CCDC148: variants seen among roughly 807,000 people sequenced by gnomAD.
CCDC148 encodes the protein coiled-coil domain containing 148.
Under a neutral mutation model 85.7 loss-of-function variants are expected in CCDC148, and 89 were observed. The observed-to-expected ratio is 1.04, with a 90% CI of 0.87 to 1.24. The LOEUF (loss-of-function observed/expected upper bound fraction) is 1.24. Among genes scored for constraint, CCDC148 ranks in the 50% most tolerant of loss-of-function variants. CCDC148 has a pLI of 0.00. For missense variants in CCDC148, 692 were observed against 671.7 expected, an observed-to-expected ratio of 1.03 and a Z score of -0.33; for synonymous variants, 230 against 213.9, an observed-to-expected ratio of 1.08 and a Z score of -0.66.
intron 9 of CCDC148, among the ~76,000 whole-genome samples, chr2:158,253,907 C>T (rs1181770073): frequency 2.0e-5 from 3 of 151,482 alleles, no homozygotes; most frequent in Non-Finnish European, 3.0e-5. Context: ...TACAGCATTC[C>T]CATGAATTAT....
At chr2:158,195,260 C>T (rs527269898) in intron 11 of CCDC148, among the ~76,000 whole-genome samples, 31 of 152,060 alleles carry the variant, frequency 2.0e-4, no homozygotes, top group African/African-American at 6.5e-4. Flanking sequence ...TTTTCCATTT[C>T]CCCCCATATA....
At chr2:158,174,615 C>T (rs1287382421) in intron 13 of CCDC148, among the ~76,000 whole-genome samples, 1 of 152,018 alleles carries the variant, frequency 6.6e-6, no homozygotes, top group Non-Finnish European at 1.5e-5. Context: ...TGAGATGGTA[C>T]AGCCTTCTAC....
At chr2:158,197,051 A>G (rs988670037) in intron 11 of CCDC148, among the ~76,000 whole-genome samples, 2 of 152,198 alleles carry the variant, frequency 1.3e-5, no homozygotes, top group Admixed American at 1.3e-4. Context: ...AGGAAAATCT[A>G]AAGAAAGTAA....
At chr2:158,229,527 C>A (rs1170507282) in intron 10 of CCDC148, among the ~76,000 whole-genome samples, 1 of 152,210 alleles carries the variant, frequency 6.6e-6, no homozygotes. Context: ...CTCTCAGTTT[C>A]TCATAGTGAT....
At chr2:158,406,159 T>G (rs556807591) in intron 1 of CCDC148, among the ~76,000 whole-genome samples, 1 of 152,250 alleles carries the variant, frequency 6.6e-6, no homozygotes, top group East Asian at 1.9e-4. Context: ...TTGACATGGA[T>G]AGCTGGAATG....
intron 7 of CCDC148, among the ~76,000 whole-genome samples, chr2:158,318,401 A>G (rs1692374851): frequency 6.6e-6 from 1 of 152,216 alleles, no homozygotes; most frequent in African/African-American, 2.4e-5. Flanking sequence ...TTAAAAAAAA[A>G]GTGACCTATA....
At chr2:158,451,947 G>T (rs989061310) in intron 1 of CCDC148, among the ~76,000 whole-genome samples, 3 of 152,148 alleles carry the variant, frequency 2.0e-5, no homozygotes, top group African/African-American at 7.2e-5. Context: ...ATGGAGTAGG[G>T]ATGATCACAG....
chr2:158,378,655 T>C (rs145563510), intron 1 of CCDC148, among the ~76,000 whole-genome samples: 173 of 152,270 alleles, frequency 1.1e-3, no homozygotes, highest in African/African-American at 4.0e-3. Context: ...ATGCAGCTGG[T>C]GACTTTAAGT....
intron 10 of CCDC148, among the ~76,000 whole-genome samples, chr2:158,244,665 C>A (rs1249375415): frequency 6.6e-6 from 1 of 152,094 alleles, no homozygotes; most frequent in Non-Finnish European, 1.5e-5. Context: ...TATCACTCTG[C>A]CTTTAAAGGG....
chr2:158,372,599 C>T (rs141273101), intron 1 of CCDC148, among the ~76,000 whole-genome samples: 207 of 152,056 alleles, frequency 1.4e-3, no homozygotes, highest in African/African-American at 4.5e-3. Flanking sequence ...CCCCTTGGTC[C>T]CTTTTACGCC....
At chr2:158,413,464 C>T (rs1363040469) in intron 1 of CCDC148, among the ~76,000 whole-genome samples, 3 of 152,122 alleles carry the variant, frequency 2.0e-5, no homozygotes, top group African/African-American at 7.2e-5. Context: ...CCATAGTCAA[C>T]TCAATTCCAT....
At chr2:158,278,502 A>G (rs1238174682) in intron 9 of CCDC148, among the ~76,000 whole-genome samples, 1 of 152,090 alleles carries the variant, frequency 6.6e-6, no homozygotes, top group Non-Finnish European at 1.5e-5. Flanking sequence ...AGGGTCCTTC[A>G]CCCATGGAGT....
At chr2:158,173,258 T>C (rs1270204729) in intron 13 of CCDC148, among the ~76,000 whole-genome samples, 1 of 151,826 alleles carries the variant, frequency 6.6e-6, no homozygotes, top group Non-Finnish European at 1.5e-5. Flanking sequence ...AGAGGTGAAA[T>C]AGGCCAACTT....
intron 3 of CCDC148, among the ~76,000 whole-genome samples, chr2:158,344,969 G>T (rs968991493): frequency 6.6e-6 from 1 of 152,212 alleles, no homozygotes; most frequent in South Asian, 2.1e-4. Context: ...TGGGAGTGTG[G>T]AAGTGATTGA....
chr2:158,224,090 C>T (rs1315943844), intron 10 of CCDC148, among the ~76,000 whole-genome samples: 1 of 152,054 alleles, frequency 6.6e-6, no homozygotes, highest in Non-Finnish European at 1.5e-5. Context: ...AGACGAATGG[C>T]TAACTAGAAT....
intron 1 of CCDC148, among the ~76,000 whole-genome samples, chr2:158,360,659 C>A (rs532001319): frequency 2.6e-5 from 4 of 152,060 alleles, no homozygotes; most frequent in Non-Finnish European, 4.4e-5. Context: ...ACTCGGAAAC[C>A]CCAGCCGAAG....
chr2:158,426,132 T>C (rs1687068248), intron 1 of CCDC148, among the ~76,000 whole-genome samples: 1 of 118,458 alleles, frequency 8.4e-6, no homozygotes, highest in African/African-American at 2.6e-5. Context: ...GGAACTATAG[T>C]TTAAAGTAGT....
intron 7 of CCDC148, among the ~76,000 whole-genome samples, chr2:158,318,363 C>T (rs73968916): frequency 0.045 from 6,810 of 152,022 alleles, 230 homozygotes; most frequent in East Asian, 0.14. Flanking sequence ...CTTTCACTAG[C>T]AAGGTCAAAA....
At chr2:158,382,015 T>G (rs1684892648) in intron 1 of CCDC148, among the ~76,000 whole-genome samples, 1 of 152,168 alleles carries the variant, frequency 6.6e-6, no homozygotes, top group Non-Finnish European at 1.5e-5. Flanking sequence ...GAGGGCTTCT[T>G]TCTTCTGAAT....
Sources: allele counts gnomAD v4.1 joint callset (sites outside exome capture counted in the v4.1 genomes callset), GRCh38; gene constraint gnomAD v4.1.1; transcripts MANE v1.5; gene names NCBI Gene and HGNC (gene_info 2026-07-23, HGNC 2026-07-21).